Variants in FANCC observed in about 807,000 individuals in gnomAD.
FANCC encodes Fanconi anemia group C protein.
Under a neutral mutation model 71.3 loss-of-function variants are expected in FANCC, and 55 were observed. The ratio of observed to expected loss-of-function variants is 0.77; its 90% CI spans 0.62 to 0.97. The LOEUF (loss-of-function observed/expected upper bound fraction) is 0.97, where lower values mean the gene tolerates loss of function less well. Ranked by LOEUF, FANCC falls within the 50% of genes least tolerant of loss-of-function variation. The pLI is 0.00. For missense variants in FANCC, 678 were observed against 670.9 expected (o/e 1.01, Z -0.12); for synonymous variants, 275 against 244.9 (o/e 1.12, Z -1.15).
At chr9:95,211,015 T>A (rs1422305854) in intron 4 of FANCC, among the ~76,000 whole-genome samples, 1 of 152,172 alleles carries the variant, frequency 6.6e-6, no homozygotes, top group African/African-American at 2.4e-5. Context: ...TTTCAAAGGA[T>A]TTTAAAGCAC....
chr9:95,142,288 C>T (rs1828875620), intron 7 of FANCC, among the ~76,000 whole-genome samples: 1 of 151,834 alleles, frequency 6.6e-6, no homozygotes, highest in African/African-American at 2.4e-5. Flanking sequence ...CCACCGTGCC[C>T]GGCCACCAAC....
chr9:95,280,378 A>C (rs1008689738), intron 1 of FANCC, among the ~76,000 whole-genome samples: 1 of 152,168 alleles, frequency 6.6e-6, no homozygotes, highest in African/African-American at 2.4e-5. Context: ...ACTAGAAAGA[A>C]GATCAACAAG....
chr9:95,100,389 T>C lies in FANCC; in HGVS notation c.*1318A>G, dbSNP rs1330052184. On this transcript the variant is annotated 3_prime_UTR_variant, in exon 15 of 15. Coordinates refer to ENST00000289081, the MANE Select transcript of FANCC (RefSeq NM_000136.3). ...CAGTGGATCTATTAGCATTGCCACA[T>C]ACCAAAATAAGGAATTTCCCTAAAG... is the stretch of plus-strand genomic sequence containing the variant. The C allele has an allele frequency of 1.3e-5, 3 of 231,252 alleles. No individual in the cohort carries two copies. The highest frequency in any genetic ancestry group is 2.2e-5 in the African/African-American group (1 of 45,242). The allele number at this position is 231,252 out of a possible 1,614,324, so 14.3% of individuals were successfully genotyped here.
intron 1 of FANCC, among the ~76,000 whole-genome samples, chr9:95,278,431 C>G (rs1030612304): frequency 1.3e-5 from 2 of 152,076 alleles, no homozygotes; most frequent in South Asian, 4.1e-4. Flanking sequence ...GAAAAAAGAT[C>G]GAGAAAATAG....
rs151313204 is a variant in FANCC at position 95,138,447 on chromosome 9, C to A, written c.687-2945G>T. Reference sequence around the variant, plus strand: ...CCAGTAATCATGGGGAAGCAGAACACCCCTGGGTGTGGAGAGGGTGCTCGT... The same window carrying A: ...CCAGTAATCATGGGGAAGCAGAACAACCCTGGGTGTGGAGAGGGTGCTCGT... On this transcript the variant is annotated intron_variant, in intron 7 of 14. Coordinates refer to ENST00000289081, the MANE Select transcript of FANCC (RefSeq NM_000136.3). 4.6e-5 allele frequency among the ~76,000 whole-genome samples: 7 copies of A among 152,328 alleles called. No individual in the cohort carries two copies. The East Asian group carries it at 9.7e-4, about 21-fold the overall frequency.
intron 4 of FANCC, among the ~76,000 whole-genome samples, chr9:95,217,305 G>A (rs1588296875): frequency 6.6e-6 from 1 of 152,178 alleles, no homozygotes; most frequent in African/African-American, 2.4e-5. Context: ...GTAACATGGT[G>A]AAACACCATC....
chr9:95,219,491 C>T (rs1238303494), intron 4 of FANCC, among the ~76,000 whole-genome samples: 2 of 151,876 alleles, frequency 1.3e-5, no homozygotes, highest in Admixed American at 6.6e-5. Flanking sequence ...CACCAGTTGT[C>T]AACAAAATAT....
At chr9:95,298,651 T>C (rs988425428) in intron 1 of FANCC, among the ~76,000 whole-genome samples, 2 of 152,256 alleles carry the variant, frequency 1.3e-5, no homozygotes, top group African/African-American at 4.8e-5. Context: ...GCATGAGTTC[T>C]GCTGAGATCA....
intron 9 of FANCC, among the ~76,000 whole-genome samples, chr9:95,125,435 C>T (rs1262826660): frequency 6.6e-6 from 1 of 152,134 alleles, no homozygotes; most frequent in East Asian, 1.9e-4. Flanking sequence ...ATGCAAATCC[C>T]TTCCACACAG....
At chr9:95,242,436 G>T (rs1024976914) in intron 3 of FANCC, among the ~76,000 whole-genome samples, 1 of 136,686 alleles carries the variant, frequency 7.3e-6, no homozygotes. Context: ...TAAAAAGAAT[G>T]TAATCTGATG....
At chr9:95,141,194 C>T (rs543224040) in intron 7 of FANCC, among the ~76,000 whole-genome samples, 56 of 151,392 alleles carry the variant, frequency 3.7e-4, no homozygotes, top group Non-Finnish European at 6.6e-4. Context: ...TGCCTGTAGT[C>T]CCAGCCACTC....
chr9:95,118,407 G>C (rs1317411827), intron 10 of FANCC, among the ~76,000 whole-genome samples: 1 of 152,260 alleles, frequency 6.6e-6, no homozygotes, highest in African/African-American at 2.4e-5. Context: ...GCCCCCAAGG[G>C]GCACAGAAGC....
chr9:95,152,407 C>T (rs980557439), intron 6 of FANCC, among the ~76,000 whole-genome samples: 9 of 152,086 alleles, frequency 5.9e-5, no homozygotes, highest in Admixed American at 3.3e-4. Context: ...TGAACAAGCA[C>T]GTATATATCT....
At chr9:95,240,617 AAAG>A in intron 4 of FANCC, 29 bp downstream of exon 4, 12 of 1,501,678 alleles carry the variant, frequency 8.0e-6, no homozygotes, top group Non-Finnish European at 1.1e-5. Context: ...AATTTAATTC[AAAG>A]AAGTGCAGAG....
chr9:95,159,564 G>C (rs1163905851), intron 6 of FANCC, among the ~76,000 whole-genome samples: 2 of 152,178 alleles, frequency 1.3e-5, no homozygotes, highest in Non-Finnish European at 2.9e-5. Flanking sequence ...GGGATAGCTG[G>C]ATCAAATGGT....
intron 11 of FANCC, among the ~76,000 whole-genome samples, chr9:95,115,794 C>T (rs1257658083): frequency 1.3e-5 from 2 of 152,214 alleles, no homozygotes; most frequent in African/African-American, 4.8e-5. Context: ...TTTTTCGTTT[C>T]TTCCTTTTAC....
chr9:95,150,222 C>A (rs1830101114), intron 6 of FANCC, 135 bp from the exon 7 acceptor site: 1 of 802,356 alleles, frequency 1.2e-6, no homozygotes, highest in Non-Finnish European at 2.1e-6. Context: ...GACTCTAACA[C>A]CATCGATGAA....
chr9:95,242,299 T>C (rs929649120), intron 3 of FANCC, among the ~76,000 whole-genome samples: 1 of 152,082 alleles, frequency 6.6e-6, no homozygotes, highest in African/African-American at 2.4e-5. Context: ...GTTTAACCAA[T>C]GCCACTAATT....
At chr9:95,246,723 A>C (rs1453820690) in intron 3 of FANCC, among the ~76,000 whole-genome samples, 1 of 152,214 alleles carries the variant, frequency 6.6e-6, no homozygotes, top group East Asian at 1.9e-4. Flanking sequence ...CAGGCCAGTA[A>C]GGCTATTTCA....
Sources: allele counts gnomAD v4.1 joint callset (sites outside exome capture counted in the v4.1 genomes callset), GRCh38; gene constraint gnomAD v4.1.1; transcripts MANE v1.5; gene names NCBI Gene and HGNC (gene_info 2026-07-23, HGNC 2026-07-21).